Variants in MTCL1 observed in about 807,000 individuals in gnomAD.
MTCL1 encodes microtubule cross-linking factor 1.
MTCL1 carries 79 observed loss-of-function variants against 141.4 expected under a neutral mutation model. The observed-to-expected ratio is 0.56, with a 90% CI of 0.47 to 0.67. MTCL1 has a LOEUF of 0.67. MTCL1 is among the 30% of genes least tolerant of loss of function. The pLI is 0.00. For synonymous variants in MTCL1, 914 were observed against 875.8 expected (o/e 1.04, Z -0.77); for missense variants, 2,177 against 2,113.9 (o/e 1.03, Z -0.59).
At chr18:8,735,391 G>T (rs569957564) in intron 4 of MTCL1, among the ~76,000 whole-genome samples, 13 of 152,264 alleles carry the variant, frequency 8.5e-5, no homozygotes, top group Non-Finnish European at 1.9e-4. Context: ...AATCTGTGTG[G>T]CTCTGTCCTC....
intron 4 of MTCL1, among the ~76,000 whole-genome samples, chr18:8,742,335 A>G (rs1429091903): frequency 6.6e-6 from 1 of 151,972 alleles, no homozygotes; most frequent in Admixed American, 6.6e-5. Context: ...GTGCGTTCTC[A>G]TGCTGCTAAT....
intron 4 of MTCL1, among the ~76,000 whole-genome samples, chr18:8,743,461 A>G (rs2096316237): frequency 6.6e-6 from 1 of 152,260 alleles, no homozygotes; most frequent in African/African-American, 2.4e-5. Flanking sequence ...TAGTGGCTTA[A>G]AACGACACAA....
At chr18:8,795,353 C>G (rs1004721080) in intron 8 of MTCL1, among the ~76,000 whole-genome samples, 8 of 152,250 alleles carry the variant, frequency 5.3e-5, no homozygotes, top group African/African-American at 1.9e-4. Context: ...GGCTGGCATT[C>G]GAACCTTTTA....
exon 7 of MTCL1, chr18:8,785,976 C>A: frequency 6.2e-7 from 1 of 1,602,414 alleles, no homozygotes; most frequent in Non-Finnish European, 8.5e-7. Context: ...CTCGGGCCGG[C>A]CCGAGGGGAC....
intron 4 of MTCL1, among the ~76,000 whole-genome samples, chr18:8,756,651 T>G (rs899866698): frequency 2.8e-4 from 43 of 151,972 alleles, no homozygotes; most frequent in African/African-American, 9.9e-4. Context: ...AAAGAAAAAT[T>G]TAGAGCCTTT....
chr18:8,826,320 C>T, intron 15 of MTCL1, 88 bp downstream of exon 14: 1 of 1,214,408 alleles, frequency 8.2e-7, no homozygotes. Context: ...TGTGCTCTGT[C>T]ATTTGATCTC....
rs376094455 is a variant in MTCL1, at chr18:8,799,929, G to A, written c.2436+1638G>A. On this transcript the variant is annotated intron_variant, in intron 10 of 16. Transcript: ENST00000359865. ...ACACTAGTTTTTAGCGATTACCCAC[G>A]AAAGTGGAGATGGACCCGTGAGCTT... Among the ~76,000 whole-genome samples the A allele has an allele frequency of 1.6e-4, 25 of 152,322 alleles. No homozygotes were observed. In the South Asian group the frequency reaches 2.1e-3, roughly 13 times the overall value.
intron 4 of MTCL1, among the ~76,000 whole-genome samples, chr18:8,724,589 A>G (rs1176647271): frequency 6.6e-6 from 1 of 152,126 alleles, no homozygotes; most frequent in Non-Finnish European, 1.5e-5. Context: ...AATTCTGAAC[A>G]TGTCACTCTG....
In MTCL1 at chr18:8,793,245, G is replaced by A. The variant is rs79598647; in HGVS notation, c.2010+125G>A. The A allele has an allele frequency of 2.0e-4, 265 of 1,315,494 alleles. 1 individual carries two copies. The highest frequency in any genetic ancestry group is 2.5e-4 in the Non-Finnish European group (245 of 962,762). The allele number at this position is 1,315,494 out of a possible 1,614,324, so 81.5% of individuals were successfully genotyped here. A position where few individuals can be genotyped will look rare whatever the true frequency, so the allele number is the denominator to read the frequency against. On this transcript the variant is annotated intron_variant, in intron 8 of 16. Transcript: ENST00000359865. The stretch of plus-strand genomic sequence containing the variant: ...TACAGGCTGCTAGACTCCTGGGCAC[G>A]TATGGAAAGGTCACCCAGTCAAGCT...
At chr18:8,783,982 G>A (rs1216497383) in exon 6 of MTCL1, 5 of 1,613,786 alleles carry the variant, frequency 3.1e-6, no homozygotes, top group Admixed American at 1.7e-5. Flanking sequence ...TGCTCCGGAG[G>A]TCCATCTCCG....
chr18:8,710,817 AT>A (rs1234761622), intron 1 of MTCL1, among the ~76,000 whole-genome samples: 1 of 115,746 alleles, frequency 8.6e-6, no homozygotes, highest in Non-Finnish European at 1.8e-5. Context: ...AGGGGTTTGA[AT>A]TTTGGTATGG....
At chr18:8,809,453 T>C (rs1369870129) in intron 11 of MTCL1, 3 of 1,535,238 alleles carry the variant, frequency 2.0e-6, no homozygotes, top group African/African-American at 1.4e-5. Context: ...GTTAGAATTG[T>C]TGTGGATATC....
At chr18:8,715,028 C>T (rs897892837), upstream of MTCL1, among the ~76,000 whole-genome samples, 1 of 152,160 alleles carries the variant, frequency 6.6e-6, no homozygotes, top group Non-Finnish European at 1.5e-5. Context: ...GATCTCCTGA[C>T]CTTGTGATCC....
intron 4 of MTCL1, among the ~76,000 whole-genome samples, chr18:8,776,216 C>T (rs1408776375): frequency 2.0e-5 from 3 of 152,194 alleles, no homozygotes; most frequent in African/African-American, 7.2e-5. Context: ...TCTTTCCTTT[C>T]GCAGGCTTGC....
chr18:8,800,046 G>A (rs1204068199), intron 10 of MTCL1, among the ~76,000 whole-genome samples: 2 of 152,228 alleles, frequency 1.3e-5, no homozygotes, highest in African/African-American at 2.4e-5. Context: ...GTTCACAGTA[G>A]TGAGTAAGGA....
intron 4 of MTCL1, among the ~76,000 whole-genome samples, chr18:8,731,552 G>T (rs1369347874): frequency 2.0e-5 from 3 of 152,048 alleles, no homozygotes; most frequent in Admixed American, 2.0e-4. Context: ...CCAGCCTGGG[G>T]GGCAAGAGCG....
At chr18:8,706,114 C>A in exon 1 of MTCL1, 1 of 1,211,608 alleles carries the variant, frequency 8.3e-7, no homozygotes, top group Non-Finnish European at 1.0e-6. Context: ...CGGAGCCGAG[C>A]CGCCGTCTGC....
chr18:8,808,361 G>A (rs1381030490), intron 11 of MTCL1, among the ~76,000 whole-genome samples: 6 of 152,208 alleles, frequency 3.9e-5, no homozygotes, highest in African/African-American at 1.4e-4. Flanking sequence ...CTAAGGAAGG[G>A]AGGTGTAATC....
At chr18:8,829,021 G>T (rs35592049) in intron 16 of MTCL1, 56,393 of 1,612,996 alleles carry the variant, frequency 0.035, 1,275 homozygotes, top group Non-Finnish European at 0.04. Context: ...TGTGTAACTC[G>T]CAGTTGGCAC....
Sources: allele counts gnomAD v4.1 joint callset (sites outside exome capture counted in the v4.1 genomes callset), GRCh38; gene constraint gnomAD v4.1.1; transcripts MANE v1.5; gene names NCBI Gene and HGNC (gene_info 2026-07-23, HGNC 2026-07-21).